Variants in IRGM observed in about 807,000 individuals in gnomAD.
IRGM encodes the protein immunity related GTPase M.
For synonymous variants in IRGM, 98 were observed against 80.6 expected (o/e 1.22, Z -1.16); for missense variants, 288 against 219.9 (o/e 1.31, Z -1.96).
At chr5:150,901,559 G>C (rs1487188305), downstream of IRGM, among the ~76,000 whole-genome samples, 1 of 151,976 alleles carries the variant, frequency 6.6e-6, no homozygotes, top group Non-Finnish European at 1.5e-5. Flanking sequence ...TTTTGCAATA[G>C]AACTCTAAAC....
rs1753926654 is a variant in IRGM at position 150,848,666 on chromosome 5, C to A, written c.543C>A (p.Tyr181Ter). 1 of 1,517,414 alleles carries A rather than the reference C, an allele frequency of 6.6e-7. No homozygotes were observed. Among genetic ancestry groups the A allele is most frequent in the Non-Finnish European group, 8.9e-7 (1 of 1,126,264 alleles). The allele number at this position is 1,517,414 out of a possible 1,614,324, so 94.0% of individuals were successfully genotyped here. A position where few individuals can be genotyped will look rare whatever the true frequency, so the allele number is the denominator to read the frequency against. ...ENLQKERVCE[Y>*] ...TCCAGAAGGAGCGGGTATGTGAATA[C>A]TAATTCCTGTCTTCATTAAACATTT... Residue 181 changes from tyrosine (Y) to a stop codon, truncating the protein, a stop_gained, in exon 2 of 2, where the codon TAC (tyrosine) becomes TAA (stop). Coordinates refer to ENST00000522154, the MANE Select transcript of IRGM (RefSeq NM_001145805.2). LOFTEE classifies it high-confidence loss of function.
At chr5:150,896,573 A>G in intron 3 of IRGM, 1 of 1,613,764 alleles carries the variant, frequency 6.2e-7, no homozygotes, top group Non-Finnish European at 8.5e-7. Flanking sequence ...CACTCTGGCT[A>G]GATGATTTTC....
intron 3 of IRGM, among the ~76,000 whole-genome samples, chr5:150,898,838 T>C (rs1754891862): frequency 6.6e-6 from 1 of 151,916 alleles, no homozygotes; most frequent in Admixed American, 6.6e-5. Context: ...CAATGAATAG[T>C]AAAGAGGAAA....
intron 3 of IRGM, among the ~76,000 whole-genome samples, chr5:150,898,898 TTA>T (rs1293885071): frequency 6.6e-6 from 1 of 151,994 alleles, no homozygotes; most frequent in East Asian, 1.9e-4. Context: ...TCCTGAATAT[TTA>T]TATGTTGAAG....
intron 3 of IRGM, chr5:150,895,390 G>A (rs1754717920): frequency 1.4e-6 from 2 of 1,474,906 alleles, no homozygotes; most frequent in Admixed American, 2.1e-5. Flanking sequence ...ATTAAGGCTT[G>A]AGCTAATACT....
chr5:150,873,484 G>A (rs1178852324), intron 1 of IRGM, among the ~76,000 whole-genome samples: 3 of 152,184 alleles, frequency 2.0e-5, no homozygotes, highest in African/African-American at 7.2e-5. Flanking sequence ...CTATGCACTG[G>A]GGAAAGGGAA....
At chr5:150,864,436 T>TCACATTGCTCCTCTCTTC (rs1471506130) in intron 1 of IRGM, among the ~76,000 whole-genome samples, 2 of 152,200 alleles carry the variant, frequency 1.3e-5, no homozygotes, top group Non-Finnish European at 1.5e-5. Flanking sequence ...GCCCTGGATT[T>TCACATTGCTCCTCTCTTC]CACATTGCTC....
chr5:150,852,277 A>G (rs1753987748), downstream of IRGM, among the ~76,000 whole-genome samples: 1 of 152,112 alleles, frequency 6.6e-6, no homozygotes, highest in Non-Finnish European at 1.5e-5. Flanking sequence ...TCAGCTTCTC[A>G]TTATTATCTT....
At chr5:150,849,546 C>CG (rs1016893884), downstream of IRGM, among the ~76,000 whole-genome samples, 17 of 150,796 alleles carry the variant, frequency 1.1e-4, no homozygotes, top group Non-Finnish European at 2.5e-4. Context: ...GTAAAATGAT[C>CG]ATCAGGCTGG....
At chr5:150,873,214 C>T (rs1282216161) in intron 1 of IRGM, among the ~76,000 whole-genome samples, 1 of 152,152 alleles carries the variant, frequency 6.6e-6, no homozygotes, top group Non-Finnish European at 1.5e-5. Flanking sequence ...TGATAGGAAG[C>T]CCACTGCATT....
rs1753920879 is a variant in IRGM, at chr5:150,848,506, T to G, written c.383T>G (p.Val128Gly). The change falls in exon 2 of 2, where the codon GTG (valine) becomes GGG (glycine). Residue 128 changes from valine (V) to glycine (G), a missense_variant. Transcript: ENST00000522154. Reference sequence around the variant, plus strand: ...TCTGCACAATTCAGCATGAATCATGTGATGCTTGCCAAAACCGCTGAGGAC... The same window carrying G: ...TCTGCACAATTCAGCATGAATCATGGGATGCTTGCCAAAACCGCTGAGGAC... The part of the protein sequence containing the change: ...VASAQFSMNH[V>G]MLAKTAEDMG... The G allele has an allele frequency of 2.6e-6, 4 of 1,551,844 alleles. No individual in the cohort carries two copies. The highest frequency in any genetic ancestry group is 3.5e-6 in the Non-Finnish European group (4 of 1,146,980).
rs1753892005 is a variant in IRGM, at chr5:150,847,706, C to T, written c.-415-3C>T. On this transcript the variant is annotated splice_region_variant and splice_polypyrimidine_tract_variant and intron_variant, in intron 1 of 1. Coordinates refer to ENST00000522154, the MANE Select transcript of IRGM (RefSeq NM_001145805.2). The stretch of plus-strand genomic sequence containing the variant: ...TAACTCACCTGCTCTTCTACTTCCG[C>T]AGCTTACTCCAGTGCCCACAGATAC... The T allele has an allele frequency of 5.7e-6, 1 of 176,286 alleles. No individual in the cohort carries two copies. Among genetic ancestry groups the T allele is most frequent in the Non-Finnish European group, 1.2e-5 (1 of 81,340 alleles). The allele number at this position is 176,286 out of a possible 1,614,324, so 10.9% of individuals were successfully genotyped here. A position where few individuals can be genotyped will look rare whatever the true frequency, so the allele number is the denominator to read the frequency against.
rs143104528 is a variant in IRGM, at chr5:150,898,435, G to T, written c.*141-2154G>T. 4.1e-4 allele frequency: 656 copies of T among 1,613,368 alleles called. 4 individuals are homozygous for T. The African/African-American group carries it at 8.2e-3, about 20-fold the overall frequency. On this transcript the variant is annotated intron_variant and NMD_transcript_variant, in intron 3 of 3. Transcript: ENST00000520549. The stretch of plus-strand genomic sequence containing the variant: ...CAGGGAAGCCATCCTTACCCATTGA[G>T]ACCAGGTGGCTGTAGTTCTCCAGCA...
At chr5:150,889,335 G>A (rs903230888) in intron 3 of IRGM, among the ~76,000 whole-genome samples, 1 of 151,956 alleles carries the variant, frequency 6.6e-6, no homozygotes, top group Non-Finnish European at 1.5e-5. Context: ...AAGAGAACTT[G>A]TGCAGGGAAA....
intron 1 of IRGM, among the ~76,000 whole-genome samples, chr5:150,875,359 G>C (rs1754348622): frequency 6.6e-6 from 1 of 152,212 alleles, no homozygotes; most frequent in Non-Finnish European, 1.5e-5. Flanking sequence ...ACTTTGCGTG[G>C]AAGGAAAAAT....
chr5:150,900,362 T>C (rs1349900111), intron 3 of IRGM, among the ~76,000 whole-genome samples: 2 of 152,104 alleles, frequency 1.3e-5, no homozygotes, highest in African/African-American at 2.4e-5. Flanking sequence ...CTTTTACAAA[T>C]GCTGCTTCCT....
chr5:150,867,642 AT>A (rs56779347), intron 1 of IRGM, among the ~76,000 whole-genome samples: 16 of 149,674 alleles, frequency 1.1e-4, no homozygotes, highest in South Asian at 8.4e-4. Flanking sequence ...GCCAACATCT[AT>A]TTTTTTTTTA....
At chr5:150,868,515 G>A (rs1247958422) in intron 1 of IRGM, among the ~76,000 whole-genome samples, 1 of 152,088 alleles carries the variant, frequency 6.6e-6, no homozygotes, top group East Asian at 1.9e-4. Flanking sequence ...GAAGAATGAT[G>A]ATGGTATTTT....
At chr5:150,862,687 GTC>G (rs1343323497) in intron 1 of IRGM, among the ~76,000 whole-genome samples, 1 of 152,174 alleles carries the variant, frequency 6.6e-6, no homozygotes, top group Admixed American at 6.5e-5. Context: ...AATAAATTAA[GTC>G]TATTGACTGT....
Sources: allele counts gnomAD v4.1 joint callset (sites outside exome capture counted in the v4.1 genomes callset), GRCh38; gene constraint gnomAD v4.1.1; transcripts MANE v1.5; gene names NCBI Gene and HGNC (gene_info 2026-07-23, HGNC 2026-07-21).